Variants in TERB2 observed in about 807,000 individuals in gnomAD.
The protein encoded by TERB2 is telomere repeat binding bouquet formation protein 2, also known as telomere repeats-binding bouquet formation protein 2.
TERB2 carries 26 observed loss-of-function variants against 29.8 expected under a neutral mutation model. That is an observed-to-expected ratio of 0.87 (90% CI 0.64 to 1.21). The LOEUF is 1.21. TERB2 is among the 50% of genes most tolerant of loss of function. The pLI, the probability that TERB2 is intolerant of heterozygous loss-of-function variation, is 0.00. For synonymous variants in TERB2, 80 were observed against 90.8 expected, an observed-to-expected ratio of 0.88 and a Z score of 0.68; for missense variants, 240 against 268.6, an observed-to-expected ratio of 0.89 and a Z score of 0.74.
At chr15:44,963,120 A>C (rs1011425559) in intron 4 of TERB2, among the ~76,000 whole-genome samples, 1 of 152,218 alleles carries the variant, frequency 6.6e-6, no homozygotes, top group African/African-American at 2.4e-5. Context: ...CAATTTAATA[A>C]TTGATTTAGA....
intron 4 of TERB2, chr15:44,962,783 A>G (rs998765009): frequency 1.2e-4 from 18 of 152,220 alleles, no homozygotes; most frequent in Non-Finnish European, 2.4e-4. Context: ...CATTAAAACT[A>G]ATAATGACAA....
chr15:44,978,923 C>A lies in TERB2; in HGVS notation c.*295C>A. 1 of 170,706 alleles carries A rather than the reference C, an allele frequency of 5.9e-6. No individual in the cohort carries two copies. Among genetic ancestry groups the A allele is most frequent in the Non-Finnish European group, 1.2e-5 (1 of 81,716 alleles). 10.6% of individuals were successfully genotyped at this position (170,706 alleles called of 1,614,324 possible). On this transcript the variant is annotated 3_prime_UTR_variant, in exon 7 of 7. Transcript: ENST00000340827. ...ATCTCAAACTCTCCATCTCTCAATC[C>A]TCCTCCTCCTCCTCTTTCTTGCTTT... is the stretch of plus-strand genomic sequence containing the variant.
At chr15:44,975,648 C>T (rs1892035177) in intron 6 of TERB2, among the ~76,000 whole-genome samples, 1 of 151,946 alleles carries the variant, frequency 6.6e-6, no homozygotes, top group Non-Finnish European at 1.5e-5. Flanking sequence ...GAGTGTCAGT[C>T]CTGTGCATTA....
chr15:44,977,626 T>C (rs1892064844), intron 6 of TERB2, among the ~76,000 whole-genome samples: 1 of 152,210 alleles, frequency 6.6e-6, no homozygotes, highest in Admixed American at 6.5e-5. Context: ...CAATTTTATG[T>C]GCTTCGATTG....
rs1892077472 is a variant in TERB2 at position 44,978,527 on chromosome 15, G to A, written c.562G>A (p.Glu188Lys). The change falls in exon 7 of 7, where the codon GAG becomes AAG. Residue 188 changes from glutamate (E) to lysine (K), a missense_variant. By Grantham distance (56) the Glu-to-Lys change is moderately conservative (BLOSUM62 1). Coordinates refer to ENST00000340827, the MANE Select transcript of TERB2 (RefSeq NM_152448.3). ...TGATGCCATGAAGAAATTCCTTGGG[G>A]AGCTACATGACTTCATTCCTGGAAC... ...SIDAMKKFLG[E>K]LHDFIPGTSG... 1.9e-6 allele frequency: 3 copies of A among 1,606,414 alleles called. No homozygotes were observed. In the African/African-American group the frequency reaches 4.0e-5, roughly 22 times the overall value.
At chr15:44,957,191 G>A (rs1891729441) in intron 2 of TERB2, among the ~76,000 whole-genome samples, 2 of 150,484 alleles carry the variant, frequency 1.3e-5, no homozygotes, top group African/African-American at 4.9e-5. Context: ...TCCAGCCTGG[G>A]TGACAGAGCA....
At chr15:44,958,351 A>G (rs1891752219) in intron 2 of TERB2, 22 bp from the exon 3 acceptor site, 2 of 1,582,622 alleles carry the variant, frequency 1.3e-6, no homozygotes, top group Non-Finnish European at 1.7e-6. Flanking sequence ...ATAACCTAAA[A>G]TATTTCCTTT....
intron 4 of TERB2, among the ~76,000 whole-genome samples, chr15:44,961,912 C>G (rs528101742): frequency 6.6e-6 from 1 of 152,096 alleles, no homozygotes; most frequent in Non-Finnish European, 1.5e-5. Flanking sequence ...GTTGGCCAGG[C>G]TGTTCTCGAA....
In TERB2 at chr15:44,956,707, C is replaced by G; in HGVS notation, c.-12C>G. On this transcript the variant is annotated 5_prime_UTR_variant, in exon 1 of 7. Transcript: ENST00000340827. ...GCCTCCTCTCTCACATCTCCACAGG[C>G]TTGGCGACGCCATGTTTCAAGGGCA... 1 of 1,598,972 alleles carries G rather than the reference C, an allele frequency of 6.3e-7. No individual in the cohort carries two copies. Among genetic ancestry groups the G allele is most frequent in the Non-Finnish European group, 8.5e-7 (1 of 1,173,402 alleles).
intron 4 of TERB2, among the ~76,000 whole-genome samples, 169 bp downstream of exon 4, chr15:44,961,753 G>A (rs1197301437): frequency 1.3e-5 from 2 of 152,230 alleles, no homozygotes; most frequent in Non-Finnish European, 2.9e-5. Flanking sequence ...AGGCTGGAGT[G>A]TAGCAACGCG....
chr15:44,966,016 G>C (rs1225264027), intron 4 of TERB2, 142 bp from the exon 5 acceptor site: 2 of 421,836 alleles, frequency 4.7e-6, no homozygotes, highest in Admixed American at 4.6e-5. Flanking sequence ...CACTCAGCTA[G>C]ATTGAGTGGA....
chr15:44,964,746 A>G (rs1176926760), intron 4 of TERB2, among the ~76,000 whole-genome samples: 1 of 152,220 alleles, frequency 6.6e-6, no homozygotes, highest in Non-Finnish European at 1.5e-5. Flanking sequence ...TTAGCCAATT[A>G]TAATAATGTA....
intron 5 of TERB2, among the ~76,000 whole-genome samples, chr15:44,968,253 T>G (rs1891916702): frequency 6.6e-6 from 1 of 152,108 alleles, no homozygotes; most frequent in Non-Finnish European, 1.5e-5. Flanking sequence ...TCTTAGTCTG[T>G]TGCCCAGGCT....
intron 6 of TERB2, 115 bp from the exon 7 acceptor site, chr15:44,978,374 T>G: frequency 7.7e-7 from 1 of 1,294,686 alleles, no homozygotes; most frequent in East Asian, 2.9e-5. Flanking sequence ...TTCTTTTTAC[T>G]TCTTTTCTAA....
intron 5 of TERB2, among the ~76,000 whole-genome samples, chr15:44,967,989 C>A (rs1891912947): frequency 9.4e-6 from 1 of 106,016 alleles, no homozygotes; most frequent in Non-Finnish European, 1.8e-5. Flanking sequence ...ATGAATAAAC[C>A]CTAGGTAGGT....
At chr15:44,961,715 T>A in intron 4 of TERB2, 131 bp downstream of exon 4, 1 of 592,370 alleles carries the variant, frequency 1.7e-6, no homozygotes. Context: ...ATTTATTTAT[T>A]TTGAGACGGA....
At position 44,956,703 on chromosome 15, in the gene TERB2, C is replaced by A; in HGVS notation, c.-16C>A. On this transcript the variant is annotated 5_prime_UTR_variant, in exon 1 of 7. Transcript: ENST00000340827. ...TGCGGCCTCCTCTCTCACATCTCCA[C>A]AGGCTTGGCGACGCCATGTTTCAAG... 1.3e-6 allele frequency: 2 copies of A among 1,592,356 alleles called. No individual in the cohort carries two copies. The highest frequency in any genetic ancestry group is 2.3e-5 in the South Asian group (2 of 88,506).
rs1266809459 is a variant in TERB2, at chr15:44,978,511, GAAGAA to G, written c.548_552del (p.Lys183IlefsTer7). 1.5e-5 allele frequency: 24 copies of G among 1,604,226 alleles called. No homozygotes were observed. Among genetic ancestry groups the G allele is most frequent in the Non-Finnish European group, 2.0e-5 (24 of 1,175,168 alleles). ...TAGGTTATATATCAATTGATGCCAT[GAAGAA>G]ATTCCTTGGGGAGCTACATGACTTC... On this transcript the variant is annotated frameshift_variant, in exon 7 of 7. Transcript: ENST00000340827. LOFTEE classifies it high-confidence loss of function.
At chr15:44,971,981 CTTTTTTTTTTTTT>C (rs71111900) in intron 5 of TERB2, among the ~76,000 whole-genome samples, 1 of 66,334 alleles carries the variant, frequency 1.5e-5, no homozygotes, top group Non-Finnish European at 2.7e-5. Flanking sequence ...GAAATAGAAG[CTTTTTTTTTTTTT>C]TTTTTTTTTT....
Sources: allele counts gnomAD v4.1 joint callset (sites outside exome capture counted in the v4.1 genomes callset), GRCh38; gene constraint gnomAD v4.1.1; transcripts MANE v1.5; gene names NCBI Gene and HGNC (gene_info 2026-07-23, HGNC 2026-07-21).